ROCK1: variants seen among roughly 807,000 people sequenced by gnomAD.
ROCK1 encodes rho-associated protein kinase 1.
Under a neutral mutation model 196.8 loss-of-function variants are expected in ROCK1, and 36 were observed. The ratio of observed to expected loss-of-function variants is 0.18; its 90% CI spans 0.14 to 0.24. The LOEUF (loss-of-function observed/expected upper bound fraction) is 0.24, where lower values mean the gene tolerates loss of function less well. ROCK1 is among the 10% of genes least tolerant of loss of function. The pLI is 1.00. For synonymous variants in ROCK1, 443 were observed against 515.9 expected, an observed-to-expected ratio of 0.86 and a Z score of 1.91; for missense variants, 920 against 1,562.0, an observed-to-expected ratio of 0.59 and a Z score of 6.93.
Position 21,044,204 on chromosome 18 carries a change from T to A in ROCK1, c.591-18A>T, listed in dbSNP as rs549416479. 3.9e-5 allele frequency: 61 copies of A among 1,571,084 alleles called. No homozygotes were observed. Among genetic ancestry groups the A allele is most frequent in the African/African-American group, 3.3e-4 (24 of 73,844 alleles). ...TCACATCTCTGCAGGAGGGAAAAAA[T>A]AGTACAGTATTTTCTGAAACAGATT... On this transcript the variant is annotated intron_variant, in intron 5 of 32. Transcript: ENST00000399799.
intron 29 of ROCK1, among the ~76,000 whole-genome samples, chr18:20,956,039 A>T (rs1023880091): frequency 1.3e-5 from 2 of 152,200 alleles, no homozygotes; most frequent in Non-Finnish European, 2.9e-5. Context: ...ATACAAATCT[A>T]TACACGTGAG....
chr18:21,055,328 C>A (rs2036237635), intron 2 of ROCK1, among the ~76,000 whole-genome samples: 1 of 152,116 alleles, frequency 6.6e-6, no homozygotes, highest in South Asian at 2.1e-4. Context: ...CTCCCACTCT[C>A]CTAGAGACGT....
At chr18:20,961,532 G>A (rs1425451674) in intron 27 of ROCK1, among the ~76,000 whole-genome samples, 1 of 152,128 alleles carries the variant, frequency 6.6e-6, no homozygotes, top group African/African-American at 2.4e-5. Flanking sequence ...ACGGACTTGG[G>A]CAAGGCAACT....
At chr18:21,063,115 C>T (rs1227104340) in intron 2 of ROCK1, among the ~76,000 whole-genome samples, 1 of 152,114 alleles carries the variant, frequency 6.6e-6, no homozygotes, top group Non-Finnish European at 1.5e-5. Context: ...CATACATGCA[C>T]AAGAGCTCAC....
chr18:21,031,604 C>CAAAAAAAA (rs781463990), intron 9 of ROCK1, among the ~76,000 whole-genome samples: 3 of 51,864 alleles, frequency 5.8e-5, no homozygotes, highest in Non-Finnish European at 1.1e-4. Flanking sequence ...GACTCCATCT[C>CAAAAAAAA]AAAAAAAAAA....
chr18:21,008,013 A>C, intron 14 of ROCK1, 46 bp downstream of exon 14: 1 of 1,458,316 alleles, frequency 6.9e-7, no homozygotes, highest in East Asian at 2.3e-5. Flanking sequence ...CAACCTCATG[A>C]CAGTGTTAGA....
At chr18:20,955,904 G>A (rs2035237159) in intron 29 of ROCK1, among the ~76,000 whole-genome samples, 1 of 151,618 alleles carries the variant, frequency 6.6e-6, no homozygotes, top group African/African-American at 2.4e-5. Context: ...TGGAGATGGA[G>A]AACAGATTAA....
At chr18:20,966,257 T>C (rs570659877) in intron 27 of ROCK1, among the ~76,000 whole-genome samples, 3 of 152,296 alleles carry the variant, frequency 2.0e-5, no homozygotes, top group Middle Eastern at 3.4e-3. Context: ...AAAGGTATTA[T>C]AGTTTACATG....
At chr18:21,049,341 C>T in intron 3 of ROCK1, 112 bp from the exon 4 acceptor site, 1 of 803,786 alleles carries the variant, frequency 1.2e-6, no homozygotes, top group Non-Finnish European at 1.8e-6. Context: ...TTTAGCCTTA[C>T]TGTTTCAGTT....
chr18:21,033,316 A>C (rs1190133472), intron 9 of ROCK1, among the ~76,000 whole-genome samples: 1 of 152,230 alleles, frequency 6.6e-6, no homozygotes, highest in Non-Finnish European at 1.5e-5. Flanking sequence ...GCCAACAAGG[A>C]CTAGAGAGGA....
At chr18:21,109,597 T>G (rs1401626531) in intron 1 of ROCK1, among the ~76,000 whole-genome samples, 1 of 152,166 alleles carries the variant, frequency 6.6e-6, no homozygotes, top group Non-Finnish European at 1.5e-5. Flanking sequence ...ATCCATAATG[T>G]GGTGAGACAT....
At position 20,979,953 on chromosome 18, in the gene ROCK1, T is replaced by G; in HGVS notation, c.2611A>C (p.Asn871His). The change falls in exon 22 of 33, where the codon AAC becomes CAC. Residue 871 changes from asparagine (N) to histidine (H), a missense_variant. Physicochemically the swap from Asn to His is moderately conservative, Grantham distance 68 (BLOSUM62 1). Coordinates refer to ENST00000399799, the MANE Select transcript of ROCK1 (RefSeq NM_005406.3). ...KELKEEIEEKNRENLKKIQEL... is the reference protein window; with the variant it reads ...KELKEEIEEKHRENLKKIQEL... ...TGTATTTTCTTTAAATTTTCTCTGT[T>G]TTTTTCTTCAATTTCTTCTTTAAGT... The G allele has an allele frequency of 6.5e-7, 1 of 1,549,348 alleles. No individual in the cohort carries two copies. Among genetic ancestry groups the G allele is most frequent in the Non-Finnish European group, 8.7e-7 (1 of 1,145,804 alleles).
At chr18:20,956,051 A>C (rs2035238603) in intron 29 of ROCK1, among the ~76,000 whole-genome samples, 1 of 152,170 alleles carries the variant, frequency 6.6e-6, no homozygotes, top group Admixed American at 6.6e-5. Context: ...ACACGTGAGA[A>C]AGGCATACAG....
intron 22 of ROCK1, among the ~76,000 whole-genome samples, chr18:20,974,792 G>A (rs561802341): frequency 7.8e-4 from 119 of 152,114 alleles, no homozygotes; most frequent in East Asian, 5.8e-4. Flanking sequence ...CATAGAATGC[G>A]CTCAGAAATT....
intron 32 of ROCK1, among the ~76,000 whole-genome samples, 183 bp from the exon 33 acceptor site, chr18:20,951,570 C>A (rs2035188380): frequency 6.6e-6 from 1 of 152,166 alleles, no homozygotes. Context: ...TTTGTTTCTA[C>A]ACATTTTCTT....
chr18:21,104,879 G>T (rs2036690637), intron 1 of ROCK1, among the ~76,000 whole-genome samples: 1 of 152,110 alleles, frequency 6.6e-6, no homozygotes, highest in Non-Finnish European at 1.5e-5. Context: ...CCCATTTATT[G>T]AATCTATTAA....
intron 13 of ROCK1, among the ~76,000 whole-genome samples, chr18:21,011,834 C>A (rs550737842): frequency 6.6e-6 from 1 of 152,224 alleles, no homozygotes; most frequent in African/African-American, 2.4e-5. Context: ...CACAGAGAAT[C>A]ATATTAGACA....
chr18:21,059,757 A>C (rs1364419400), intron 2 of ROCK1, among the ~76,000 whole-genome samples: 1 of 152,254 alleles, frequency 6.6e-6, no homozygotes, highest in Non-Finnish European at 1.5e-5. Flanking sequence ...TAGCAGCATT[A>C]TTCATAAAAG....
chr18:20,984,494 C>T lies in ROCK1; in HGVS notation c.2346G>A (p.Lys782=). 6.2e-7 allele frequency: 1 copy of T among 1,613,190 alleles called. No individual in the cohort carries two copies. The highest frequency in any genetic ancestry group is 8.5e-7 in the Non-Finnish European group (1 of 1,179,782). The change falls in exon 20 of 33, where the codon AAG becomes AAA. Residue 782 remains lysine (K), a synonymous_variant. Coordinates refer to ENST00000399799, the MANE Select transcript of ROCK1 (RefSeq NM_005406.3). ...TCAATTCATTTTGTAACAACAGCCG[C>T]TTATTTGATTCCTGCTCCAGTTGCA... is the stretch of plus-strand genomic sequence containing the variant. ...LTLQLEQESN[K]RLLLQNELKT... is the part of the protein sequence containing the mutation.
Sources: gnomAD v4.1 joint callset for allele counts (sites outside exome capture counted in the v4.1 genomes callset) on GRCh38, gnomAD v4.1.1 for gene constraint, MANE v1.5 for transcripts, NCBI Gene and HGNC (gene_info 2026-07-23, HGNC 2026-07-21) for gene names.